ADAM12: variants seen among roughly 807,000 people sequenced by gnomAD.
ADAM12 encodes the protein disintegrin and metalloproteinase domain-containing protein 12.
ADAM12 carries 70 observed loss-of-function variants against 106.4 expected under a neutral mutation model. The ratio of observed to expected loss-of-function variants is 0.66; its 90% CI spans 0.54 to 0.80. The LOEUF (loss-of-function observed/expected upper bound fraction) is 0.80, where lower values mean the gene tolerates loss of function less well. ADAM12 is among the 30% of genes least tolerant of loss of function. ADAM12 has a pLI of 0.00. For synonymous variants in ADAM12, 420 were observed against 433.5 expected, an observed-to-expected ratio of 0.97 and a Z score of 0.39; for missense variants, 1,010 against 1,171.9, an observed-to-expected ratio of 0.86 and a Z score of 2.02.
At chr10:126,248,397 G>A (rs1958671765) in intron 3 of ADAM12, among the ~76,000 whole-genome samples, 1 of 152,122 alleles carries the variant, frequency 6.6e-6, no homozygotes, top group African/African-American at 2.4e-5. Context: ...CTCTCAACCA[G>A]GACACACAAC....
chr10:126,329,782 C>A (rs1204640073), intron 2 of ADAM12, among the ~76,000 whole-genome samples: 1 of 152,118 alleles, frequency 6.6e-6, no homozygotes, highest in African/African-American at 2.4e-5. Context: ...AATGCAAGGA[C>A]CAAGCCATCT....
intron 5 of ADAM12, among the ~76,000 whole-genome samples, chr10:126,121,508 G>T: frequency 8.5e-6 from 1 of 117,618 alleles, no homozygotes. Flanking sequence ...TAATATAATA[G>T]AAAATTATAT....
intron 1 of ADAM12, among the ~76,000 whole-genome samples, chr10:126,359,931 T>C (rs1435535852): frequency 2.6e-5 from 4 of 152,202 alleles, no homozygotes; most frequent in South Asian, 4.1e-4. Flanking sequence ...GGCATTTCCA[T>C]ACATCCTCTG....
At chr10:126,237,816 C>A (rs1958447797) in intron 3 of ADAM12, among the ~76,000 whole-genome samples, 1 of 152,176 alleles carries the variant, frequency 6.6e-6, no homozygotes, top group Admixed American at 6.5e-5. Flanking sequence ...AATGCAAATC[C>A]TCTCTCCAGC....
intron 6 of ADAM12, among the ~76,000 whole-genome samples, chr10:126,117,556 C>T (rs936820092): frequency 2.0e-5 from 3 of 152,076 alleles, no homozygotes; most frequent in African/African-American, 7.2e-5. Context: ...AGTGAGAATT[C>T]TCTGCAAATT....
chr10:126,195,467 C>A (rs552058086), intron 3 of ADAM12, among the ~76,000 whole-genome samples: 1 of 151,954 alleles, frequency 6.6e-6, no homozygotes, highest in African/African-American at 2.4e-5. Context: ...CCCAGCTACT[C>A]GGGAAGTTGA....
chr10:126,232,799 G>A (rs979065065), intron 3 of ADAM12, among the ~76,000 whole-genome samples: 14 of 152,154 alleles, frequency 9.2e-5, no homozygotes, highest in Non-Finnish European at 1.6e-4. Context: ...TGAAAATGAT[G>A]AGGGTTAGAA....
intron 1 of ADAM12, among the ~76,000 whole-genome samples, chr10:126,377,308 C>T (rs1490190639): frequency 6.6e-6 from 1 of 152,134 alleles, no homozygotes; most frequent in Non-Finnish European, 1.5e-5. Context: ...CACATGATCA[C>T]AAAGTCCCAC....
chr10:126,061,679 T>A (rs548301674), intron 14 of ADAM12, among the ~76,000 whole-genome samples: 1 of 152,200 alleles, frequency 6.6e-6, no homozygotes, highest in South Asian at 2.1e-4. Flanking sequence ...GACTTGCAGA[T>A]GCTGTGCTGT....
rs1953646449 is a variant in ADAM12, at chr10:126,015,507, A to C, written c.*1772T>G. 6.6e-6 allele frequency: 1 copy of C among 152,254 alleles called. No homozygotes were observed. Among genetic ancestry groups the C allele is most frequent in the Non-Finnish European group, 1.5e-5 (1 of 68,042 alleles). The allele number at this position is 152,254 out of a possible 1,614,324, so 9.4% of individuals were successfully genotyped here. The stretch of plus-strand genomic sequence containing the variant: ...ACATTTTAAAGAACTTAATAACTAT[A>C]GAATAAACAGATGCATGCTATACGA... On this transcript the variant is annotated 3_prime_UTR_variant, in exon 23 of 23. Coordinates refer to ENST00000448723, the MANE Select transcript of ADAM12 (RefSeq NM_001288973.2).
At chr10:126,179,651 CACTG>C (rs1309651056) in intron 3 of ADAM12, among the ~76,000 whole-genome samples, 2 of 152,246 alleles carry the variant, frequency 1.3e-5, no homozygotes, top group East Asian at 3.9e-4. Context: ...ATTCAATAAA[CACTG>C]AGTGCCGATA....
At chr10:126,154,274 T>G (rs1956776385) in intron 4 of ADAM12, among the ~76,000 whole-genome samples, 1 of 152,220 alleles carries the variant, frequency 6.6e-6, no homozygotes, top group Non-Finnish European at 1.5e-5. Context: ...CTTTTGAGCT[T>G]GACCAGGCAT....
At chr10:126,127,732 G>A (rs2133653535) in intron 5 of ADAM12, among the ~76,000 whole-genome samples, 1 of 152,358 alleles carries the variant, frequency 6.6e-6, no homozygotes, top group South Asian at 2.1e-4. Context: ...GAACTACAAT[G>A]TATGAGGAAA....
At chr10:126,083,549 T>TAGAGGTGTA (rs1955274079) in intron 11 of ADAM12, among the ~76,000 whole-genome samples, 1 of 152,184 alleles carries the variant, frequency 6.6e-6, no homozygotes, top group African/African-American at 2.4e-5. Flanking sequence ...GTTCTACACT[T>TAGAGGTGTA]CCTTCCAGGT....
chr10:126,249,313 G>C (rs1015792599), intron 3 of ADAM12, among the ~76,000 whole-genome samples: 7 of 152,190 alleles, frequency 4.6e-5, no homozygotes, highest in Non-Finnish European at 7.3e-5. Context: ...ACCACAAAGA[G>C]GGCAGTCTAG....
At chr10:126,368,130 T>C (rs1001215715) in intron 1 of ADAM12, among the ~76,000 whole-genome samples, 2 of 151,942 alleles carry the variant, frequency 1.3e-5, no homozygotes, top group Non-Finnish European at 2.9e-5. Context: ...TGCATGTGTG[T>C]ATATATATGT....
At chr10:126,067,923 A>G (rs1258311887) in intron 12 of ADAM12, among the ~76,000 whole-genome samples, 2 of 152,214 alleles carry the variant, frequency 1.3e-5, no homozygotes, top group Non-Finnish European at 2.9e-5. Context: ...AAATTTTGTC[A>G]ATAATCCAGA....
intron 8 of ADAM12, among the ~76,000 whole-genome samples, chr10:126,108,075 C>G (rs938646387): frequency 3.3e-5 from 5 of 152,118 alleles, no homozygotes; most frequent in Non-Finnish European, 7.4e-5. Flanking sequence ...TTGTTCTTGG[C>G]GAGGGATTTT....
chr10:126,186,779 C>G (rs547462018), intron 3 of ADAM12, among the ~76,000 whole-genome samples: 1 of 152,138 alleles, frequency 6.6e-6, no homozygotes, highest in African/African-American at 2.4e-5. Context: ...CAGAATGCAT[C>G]GCGGATGGAC....
Sources: allele counts gnomAD v4.1 joint callset (sites outside exome capture counted in the v4.1 genomes callset), GRCh38; gene constraint gnomAD v4.1.1; transcripts MANE v1.5; gene names NCBI Gene and HGNC (gene_info 2026-07-23, HGNC 2026-07-21).